The following WDR72 variants were observed in gnomAD, a reference collection of about 807,000 sequenced individuals.
WDR72 encodes WD repeat domain 72, also known as WD repeat-containing protein 72.
WDR72 carries 120 observed loss-of-function variants against 124.2 expected under a neutral mutation model. The observed-to-expected ratio is 0.97, with a 90% CI of 0.83 to 1.12. The LOEUF (loss-of-function observed/expected upper bound fraction) is 1.12. Among genes scored for constraint, WDR72 ranks in the 50% most tolerant of loss-of-function variants. WDR72 has a pLI of 0.00. For missense variants in WDR72, 1,387 were observed against 1,278.8 expected, an observed-to-expected ratio of 1.08 and a Z score of -1.29; for synonymous variants, 452 against 441.7, an observed-to-expected ratio of 1.02 and a Z score of -0.29.
At chr15:53,564,923 G>A (rs1894240796) in intron 18 of WDR72, among the ~76,000 whole-genome samples, 1 of 151,888 alleles carries the variant, frequency 6.6e-6, no homozygotes, top group South Asian at 2.1e-4. Flanking sequence ...CAGATTCAGT[G>A]CTGAGCTCTG....
intron 14 of WDR72, among the ~76,000 whole-genome samples, chr15:53,625,559 G>C (rs780465126): frequency 3.3e-5 from 5 of 152,174 alleles, no homozygotes; most frequent in Non-Finnish European, 7.3e-5. Context: ...CAGCAGGTGG[G>C]GAGTAGGCAA....
At chr15:53,525,132 A>G (rs1228829783) in intron 18 of WDR72, among the ~76,000 whole-genome samples, 1 of 152,034 alleles carries the variant, frequency 6.6e-6, no homozygotes, top group Non-Finnish European at 1.5e-5. Flanking sequence ...AATTTTCTTC[A>G]GTTTAGGTCA....
At chr15:53,747,968 T>C (rs1429743499) in intron 1 of WDR72, among the ~76,000 whole-genome samples, 1 of 140,624 alleles carries the variant, frequency 7.1e-6, no homozygotes, top group Non-Finnish European at 1.5e-5. Context: ...TAACCCTCTA[T>C]TTACAGTGAA....
At chr15:53,625,239 A>T (rs1443282423) in intron 14 of WDR72, among the ~76,000 whole-genome samples, 1 of 152,246 alleles carries the variant, frequency 6.6e-6, no homozygotes, top group Non-Finnish European at 1.5e-5. Flanking sequence ...CAAAAATGTG[A>T]GGAGTAAATA....
chr15:53,520,909 C>G (rs747924062), intron 19 of WDR72, among the ~76,000 whole-genome samples: 1 of 152,086 alleles, frequency 6.6e-6, no homozygotes, highest in Non-Finnish European at 1.5e-5. Flanking sequence ...GAAACACACT[C>G]TCTCATCAAA....
intron 18 of WDR72, among the ~76,000 whole-genome samples, chr15:53,580,819 G>T (rs147040403): frequency 6.6e-6 from 1 of 152,008 alleles, no homozygotes; most frequent in Admixed American, 6.6e-5. Context: ...GGAGTTCAGG[G>T]ATGTATAGAA....
At chr15:53,717,661 T>TAGTGGC (rs1483946119) in intron 3 of WDR72, among the ~76,000 whole-genome samples, 1 of 152,126 alleles carries the variant, frequency 6.6e-6, no homozygotes, top group African/African-American at 2.4e-5. Context: ...AGGAACACAC[T>TAGTGGC]AGTGGCATCT....
At chr15:53,646,574 C>A (rs1410170700) in intron 14 of WDR72, among the ~76,000 whole-genome samples, 2 of 152,094 alleles carry the variant, frequency 1.3e-5, no homozygotes, top group Non-Finnish European at 2.9e-5. Context: ...GTATTGAGGA[C>A]TGGTTAACAA....
intron 13 of WDR72, among the ~76,000 whole-genome samples, chr15:53,669,566 C>T (rs1435914234): frequency 1.3e-5 from 2 of 152,102 alleles, no homozygotes; most frequent in African/African-American, 4.8e-5. Context: ...TAAGTTACTG[C>T]ATCATTTTTT....
chr15:53,656,364 T>C lies in WDR72; in HGVS notation c.1962+9208A>G, dbSNP rs552958145. ...AAAATGGGCAAGAACGTTAGCTGGA[T>C]GTATTTTTTTAATAAGTTCATGCTC... On this transcript the variant is annotated intron_variant, in intron 14 of 19. Transcript: ENST00000360509. Among the ~76,000 whole-genome samples, 10 of 152,342 alleles carry C rather than the reference T, an allele frequency of 6.6e-5. No individual in the cohort carries two copies. In the South Asian group the frequency reaches 2.1e-3, roughly 32 times the overall value.
At chr15:53,665,855 T>C (rs1229584891) in intron 13 of WDR72, 87 bp from the exon 14 acceptor site, 3 of 1,325,124 alleles carry the variant, frequency 2.3e-6, no homozygotes, top group Non-Finnish European at 3.2e-6. Context: ...AGCAGAAGAA[T>C]CACAATCCTT....
intron 14 of WDR72, among the ~76,000 whole-genome samples, chr15:53,634,740 G>A (rs559350746): frequency 6.6e-6 from 1 of 152,318 alleles, no homozygotes; most frequent in African/African-American, 2.4e-5. Flanking sequence ...GTGAGGCCAA[G>A]CAGGAGCTCA....
chr15:53,583,563 A>G lies in WDR72; in HGVS notation c.3148+13516T>C, dbSNP rs530044326. On this transcript the variant is annotated intron_variant, in intron 18 of 19. Coordinates refer to ENST00000360509, the MANE Select transcript of WDR72 (RefSeq NM_182758.4). ...ACCTCTTGATATTTTTACCACAGGG[A>G]AAAAAAAGTGTATCAAAACATTTCT... 6.0e-4 allele frequency among the ~76,000 whole-genome samples: 91 copies of G among 151,938 alleles called. 1 individual carries two copies. Among genetic ancestry groups the G allele is most frequent in the African/African-American group, 2.0e-3 (82 of 41,482 alleles).
At chr15:53,537,204 T>C (rs931958791) in intron 18 of WDR72, among the ~76,000 whole-genome samples, 8 of 152,190 alleles carry the variant, frequency 5.3e-5, no homozygotes, top group African/African-American at 1.9e-4. Flanking sequence ...TGATTGTGTC[T>C]GGATATTTGG....
chr15:53,627,997 C>T (rs1248428546), intron 14 of WDR72, among the ~76,000 whole-genome samples: 1 of 152,190 alleles, frequency 6.6e-6, no homozygotes, highest in Non-Finnish European at 1.5e-5. Context: ...TTTCTACTTT[C>T]TGCCTTCTAC....
intron 2 of WDR72, among the ~76,000 whole-genome samples, chr15:53,729,807 A>T (rs74015912): frequency 7.2e-5 from 11 of 152,056 alleles, no homozygotes; most frequent in African/African-American, 2.7e-4. Context: ...TACAAAAAAA[A>T]AAATAAAGTA....
At chr15:53,520,004 A>C (rs922433158) in intron 19 of WDR72, among the ~76,000 whole-genome samples, 1 of 152,084 alleles carries the variant, frequency 6.6e-6, no homozygotes, top group Non-Finnish European at 1.5e-5. Context: ...TGGCTTTGTT[A>C]ATGACATTTT....
chr15:53,717,190 C>A (rs2017738677), intron 3 of WDR72, among the ~76,000 whole-genome samples: 1 of 152,026 alleles, frequency 6.6e-6, no homozygotes, highest in South Asian at 2.1e-4. Context: ...CTAAAATCAT[C>A]CTTGCCACTT....
intron 1 of WDR72, among the ~76,000 whole-genome samples, chr15:53,745,524 A>T (rs545292247): frequency 1.9e-4 from 29 of 152,346 alleles, no homozygotes; most frequent in African/African-American, 6.3e-4. Context: ...GGGTTGTCAG[A>T]TTTAGCAAAT....
Sources: gnomAD v4.1 joint callset for allele counts (sites outside exome capture counted in the v4.1 genomes callset) on GRCh38, gnomAD v4.1.1 for gene constraint, MANE v1.5 for transcripts, NCBI Gene and HGNC (gene_info 2026-07-23, HGNC 2026-07-21) for gene names.